IFT43: variants seen among roughly 807,000 people sequenced by gnomAD.
The protein encoded by IFT43 is intraflagellar transport protein 43 homolog.
A neutral mutation model predicts 32.3 loss-of-function variants in IFT43; 33 were observed. The observed-to-expected ratio is 1.02, with a 90% CI of 0.77 to 1.37. IFT43 has a LOEUF of 1.37. Ranked by LOEUF, IFT43 falls within the 40% of genes most tolerant of loss-of-function variation. The pLI, the probability that IFT43 is intolerant of heterozygous loss-of-function variation, is 0.00. For missense variants in IFT43, 274 were observed against 265.9 expected (o/e 1.03, Z -0.21); for synonymous variants, 93 against 98.2 (o/e 0.95, Z 0.31).
At chr14:76,063,683 C>T (rs2140063677) in intron 5 of IFT43, among the ~76,000 whole-genome samples, 1 of 152,352 alleles carries the variant, frequency 6.6e-6, no homozygotes, top group Middle Eastern at 3.4e-3. Flanking sequence ...TCTAGTACCA[C>T]ATACTCTCTC....
intron 3 of IFT43, among the ~76,000 whole-genome samples, chr14:76,056,486 A>G (rs2037018155): frequency 2.0e-5 from 3 of 152,328 alleles, no homozygotes; most frequent in Admixed American, 6.5e-5. Context: ...AAAGATTAGC[A>G]TTATCATTAT....
At chr14:75,985,992 C>T (rs2035515525) in intron 1 of IFT43, 152 bp downstream of exon 1, 1 of 1,527,496 alleles carries the variant, frequency 6.5e-7, no homozygotes, top group African/African-American at 1.4e-5. Flanking sequence ...CCGCCCCGCC[C>T]CCAGGCCACT....
intron 2 of IFT43, among the ~76,000 whole-genome samples, chr14:75,996,011 G>A (rs2035739070): frequency 6.6e-6 from 1 of 152,220 alleles, no homozygotes; most frequent in Non-Finnish European, 1.5e-5. Flanking sequence ...AACATCTTGA[G>A]ATTCTCCGCC....
chr14:75,987,400 A>G (rs1303460095), intron 1 of IFT43, among the ~76,000 whole-genome samples: 4 of 152,128 alleles, frequency 2.6e-5, no homozygotes, highest in Admixed American at 2.0e-4. Flanking sequence ...CTCTTCTGTA[A>G]CCCCTCTCAG....
chr14:75,988,837 G>T, intron 1 of IFT43, 48 bp from the exon 2 acceptor site: 1 of 1,612,624 alleles, frequency 6.2e-7, no homozygotes, highest in Non-Finnish European at 8.5e-7. Context: ...TCTCAGTAGT[G>T]GCCCAAATGA....
intron 2 of IFT43, among the ~76,000 whole-genome samples, chr14:76,001,545 G>A (rs1206626668): frequency 6.6e-6 from 1 of 152,164 alleles, no homozygotes; most frequent in African/African-American, 2.4e-5. Flanking sequence ...GCATGAATTT[G>A]TTAGGCCTTA....
intron 2 of IFT43, among the ~76,000 whole-genome samples, chr14:76,002,673 G>T (rs2035911378): frequency 1.3e-5 from 2 of 152,202 alleles, no homozygotes; most frequent in Non-Finnish European, 2.9e-5. Context: ...GTGTGCTCAG[G>T]GCATTGTTAG....
At position 76,082,386 on chromosome 14, in the gene IFT43, G is replaced by C. The variant is rs765220512; in HGVS notation, c.368+19G>C. ...CTCCCAGGTAGGTTAAATCAGATAT[G>C]ATTGGGGAGGCAAAGAACACGTGAA... On this transcript the variant is annotated intron_variant, in intron 6 of 8. Transcript: ENST00000314067. The C allele has an allele frequency of 6.1e-6, 9 of 1,476,644 alleles. No individual in the cohort carries two copies. Among genetic ancestry groups the C allele is most frequent in the Non-Finnish European group, 9.5e-7 (1 of 1,054,544 alleles). The allele number at this position is 1,476,644 out of a possible 1,614,324, so 91.5% of individuals were successfully genotyped here. A position where few individuals can be genotyped will look rare whatever the true frequency, so the allele number is the denominator to read the frequency against.
At chr14:76,082,461 T>C in intron 6 of IFT43, 94 bp downstream of exon 6, 1 of 1,185,638 alleles carries the variant, frequency 8.4e-7, no homozygotes, top group Non-Finnish European at 1.3e-6. Context: ...TCAATCTGGA[T>C]CTTTCTGGTG....
intron 5 of IFT43, among the ~76,000 whole-genome samples, chr14:76,082,039 C>G (rs538953417): frequency 6.6e-6 from 1 of 152,156 alleles, no homozygotes; most frequent in East Asian, 1.9e-4. Flanking sequence ...CACCAAGGAA[C>G]GCCTGGGAAA....
intron 1 of IFT43, among the ~76,000 whole-genome samples, chr14:75,986,704 C>T (rs1031326383): frequency 6.6e-6 from 1 of 152,204 alleles, no homozygotes; most frequent in African/African-American, 2.4e-5. Context: ...CTACCTTCCT[C>T]CTTTGTAACC....
chr14:75,990,194 A>G (rs901768548), intron 2 of IFT43, among the ~76,000 whole-genome samples: 1 of 152,248 alleles, frequency 6.6e-6, no homozygotes, highest in African/African-American at 2.4e-5. Flanking sequence ...GGTGCTGTCG[A>G]GAATACAGGC....
intron 3 of IFT43, among the ~76,000 whole-genome samples, chr14:76,032,249 A>G (rs2139985116): frequency 6.6e-6 from 1 of 152,338 alleles, no homozygotes. Flanking sequence ...CTGAACTGCC[A>G]GCACCTGGCT....
At chr14:76,083,326 C>G (rs1297129355) in intron 8 of IFT43, 37 bp downstream of exon 8, 2 of 1,610,406 alleles carry the variant, frequency 1.2e-6, no homozygotes, top group South Asian at 1.1e-5. Context: ...TCTCTCAGCT[C>G]TGGCATTCCC....
intron 3 of IFT43, among the ~76,000 whole-genome samples, chr14:76,054,367 T>A (rs993383415): frequency 3.9e-5 from 6 of 152,206 alleles, no homozygotes; most frequent in African/African-American, 1.4e-4. Flanking sequence ...TCTGGGTGCC[T>A]TAGGGATATT....
intron 2 of IFT43, among the ~76,000 whole-genome samples, chr14:76,010,245 C>T (rs1335195249): frequency 6.6e-6 from 1 of 152,110 alleles, no homozygotes; most frequent in African/African-American, 2.4e-5. Context: ...ATCTTGAGAC[C>T]CCGTGTTTTG....
rs554845247 is a variant in IFT43 at position 76,083,588 on chromosome 14, C to T, written c.*11C>T. 6.8e-6 allele frequency: 11 copies of T among 1,613,608 alleles called. No homozygotes were observed. Among genetic ancestry groups the T allele is most frequent in the African/African-American group, 2.7e-5 (2 of 75,028 alleles). ...GCCAGGCACACCTGAGCCCGTCACCCATGCTCTAGACATGAAGAAATGCAA... is the reference window on the plus strand; with the variant it reads ...GCCAGGCACACCTGAGCCCGTCACCTATGCTCTAGACATGAAGAAATGCAA... On this transcript the variant is annotated 3_prime_UTR_variant, in exon 9 of 9. Transcript: ENST00000314067.
intron 3 of IFT43, among the ~76,000 whole-genome samples, chr14:76,055,359 A>G (rs1431228532): frequency 1.3e-5 from 2 of 151,830 alleles, no homozygotes; most frequent in African/African-American, 4.8e-5. Context: ...AAAAAAAAAA[A>G]GTAAATTAAT....
intron 5 of IFT43, among the ~76,000 whole-genome samples, chr14:76,071,935 T>A (rs749052960): frequency 6.6e-6 from 1 of 152,026 alleles, no homozygotes; most frequent in Non-Finnish European, 1.5e-5. Context: ...CAGCCCTACT[T>A]ATGGAGGAGG....
Sources: allele counts gnomAD v4.1 joint callset (sites outside exome capture counted in the v4.1 genomes callset), GRCh38; gene constraint gnomAD v4.1.1; transcripts MANE v1.5; gene names NCBI Gene and HGNC (gene_info 2026-07-23, HGNC 2026-07-21).